The following PRKCQ variants were observed in gnomAD, a reference collection of about 807,000 sequenced individuals.
The protein encoded by PRKCQ is protein kinase C theta, also known as protein kinase C theta type.
In PRKCQ, 41 loss-of-function variants were observed where a neutral mutation model predicts 91.2. That is an observed-to-expected ratio of 0.45 (90% CI 0.35 to 0.58). The LOEUF is 0.58. PRKCQ is among the 20% of genes least tolerant of loss of function. The pLI is 0.00. For missense variants in PRKCQ, 673 were observed against 896.5 expected (o/e 0.75, Z 3.18); for synonymous variants, 307 against 316.9 (o/e 0.97, Z 0.33).
At chr10:6,513,213 G>A (rs1838573467) in intron 2 of PRKCQ, among the ~76,000 whole-genome samples, 1 of 152,158 alleles carries the variant, frequency 6.6e-6, no homozygotes, top group African/African-American at 2.4e-5. Context: ...GGAAAATGCA[G>A]CCTTACACCC....
At chr10:6,467,389 CAGAGAGAGAG>C (rs1160599680) in intron 12 of PRKCQ, among the ~76,000 whole-genome samples, 347 of 27,768 alleles carry the variant, frequency 0.012, 9 homozygotes, top group East Asian at 0.083. Context: ...GAGAGACAGA[CAGAGAGAGAG>C]AGAGAGAGAG....
At chr10:6,395,218 C>T in the PRKCQ span, among the ~76,000 whole-genome samples, 27,123 of 151,206 alleles carry the variant, frequency 0.18, 4,050 homozygotes, top group African/African-American at 0.41. Flanking sequence ...TGCCTGCCAC[C>T]GTGCCCGGCT....
At chr10:6,400,911 C>T in the PRKCQ span, among the ~76,000 whole-genome samples, 2 of 152,164 alleles carry the variant, frequency 1.3e-5, no homozygotes, top group African/African-American at 2.4e-5. Context: ...CTAAGAACAA[C>T]GACCATAGTT....
intron 14 of PRKCQ, among the ~76,000 whole-genome samples, chr10:6,461,675 T>C (rs1457420820): frequency 6.6e-6 from 1 of 152,198 alleles, no homozygotes; most frequent in Non-Finnish European, 1.5e-5. Flanking sequence ...CAATACTAAT[T>C]ATCTGCTCTC....
chr10:6,572,200 A>ATC (rs1262844740), intron 1 of PRKCQ, among the ~76,000 whole-genome samples: 1 of 152,136 alleles, frequency 6.6e-6, no homozygotes, highest in African/African-American at 2.4e-5. Context: ...AGAAAACTAA[A>ATC]TGCCATAGGT....
chr10:6,560,806 G>A (rs1202284826), intron 1 of PRKCQ, among the ~76,000 whole-genome samples: 4 of 152,090 alleles, frequency 2.6e-5, no homozygotes, highest in Non-Finnish European at 5.9e-5. Flanking sequence ...TTGGGAGGCC[G>A]AGGCGGGTGG....
At chr10:6,499,247 G>A (rs963955335) in intron 4 of PRKCQ, among the ~76,000 whole-genome samples, 13 of 152,172 alleles carry the variant, frequency 8.5e-5, no homozygotes, top group African/African-American at 3.1e-4. Context: ...GCATTACCTA[G>A]TCATCAGCAT....
At chr10:6,539,341 G>T (rs753787095) in intron 1 of PRKCQ, among the ~76,000 whole-genome samples, 5 of 152,096 alleles carry the variant, frequency 3.3e-5, no homozygotes, top group Non-Finnish European at 5.9e-5. Context: ...AGGAACTGGG[G>T]TGCACAGCAG....
At position 6,465,555 on chromosome 10, in the gene PRKCQ, A is replaced by G. The variant is rs1217611050; in HGVS notation, c.1354-1151T>C. On this transcript the variant is annotated intron_variant, in intron 12 of 17. Coordinates refer to ENST00000263125, the MANE Select transcript of PRKCQ (RefSeq NM_006257.5). This position sits in a 1 kb window ranked among gnomAD's most constrained non-coding sequence, Gnocchi z 4.4. ...ATGCATCACAGAATCAGTAATCCAT[A>G]AAGTGTGAGGACCTTCGGTGCGTCT... is the stretch of plus-strand genomic sequence containing the variant. 2.6e-5 allele frequency among the ~76,000 whole-genome samples: 4 copies of G among 152,236 alleles called. No individual in the cohort carries two copies. The highest frequency in any genetic ancestry group is 4.4e-5 in the Non-Finnish European group (3 of 68,048).
intron 17 of PRKCQ, among the ~76,000 whole-genome samples, chr10:6,429,728 T>C (rs1588640275): frequency 6.7e-6 from 1 of 150,318 alleles, no homozygotes; most frequent in Non-Finnish European, 1.5e-5. Context: ...CTTTTTTTTG[T>C]TGTTTTTCTA....
At chr10:6,418,985 A>G in the PRKCQ span, among the ~76,000 whole-genome samples, 2 of 113,242 alleles carry the variant, frequency 1.8e-5, no homozygotes, top group African/African-American at 2.8e-5. Flanking sequence ...CTATCTATCT[A>G]TCTATCTATC....
intron 16 of PRKCQ, among the ~76,000 whole-genome samples, chr10:6,437,289 T>G (rs1173512140): frequency 6.6e-6 from 1 of 152,184 alleles, no homozygotes; most frequent in Admixed American, 6.5e-5. Context: ...CTTGATCCAA[T>G]AGGGCTAGAA....
intron 1 of PRKCQ, among the ~76,000 whole-genome samples, chr10:6,560,441 A>G (rs1162135190): frequency 4.6e-5 from 7 of 152,134 alleles, no homozygotes; most frequent in South Asian, 2.1e-4. Flanking sequence ...CCATGACTGA[A>G]TCTAAAAACC....
the PRKCQ span, among the ~76,000 whole-genome samples, chr10:6,404,673 TTTCCTTTCTTCC>T: frequency 2.0e-5 from 3 of 148,000 alleles, no homozygotes; most frequent in African/African-American, 7.5e-5. Context: ...TCTTTCTCTC[TTTCCTTTCTTCC>T]TTCCTTTCTT....
At chr10:6,403,834 G>A in the PRKCQ span, among the ~76,000 whole-genome samples, 1 of 149,416 alleles carries the variant, frequency 6.7e-6, no homozygotes, top group African/African-American at 2.5e-5. Flanking sequence ...ATAAATGAAT[G>A]AAAAAAAAAA....
At chr10:6,509,931 G>A (rs568171561) in intron 3 of PRKCQ, among the ~76,000 whole-genome samples, 1 of 152,286 alleles carries the variant, frequency 6.6e-6, no homozygotes, top group South Asian at 2.1e-4. Context: ...CAAAAACCTA[G>A]TTTTTAGGCT....
At chr10:6,454,640 G>A (rs1834909954) in intron 15 of PRKCQ, among the ~76,000 whole-genome samples, 2 of 152,006 alleles carry the variant, frequency 1.3e-5, no homozygotes, top group Non-Finnish European at 2.9e-5. Context: ...GTGAAGTAGG[G>A]AGCAAGTTCA....
chr10:6,463,004 CAAAAAAAA>C (rs57879218), intron 13 of PRKCQ, among the ~76,000 whole-genome samples: 3 of 127,124 alleles, frequency 2.4e-5, no homozygotes, highest in East Asian at 4.5e-4. Flanking sequence ...GACTCTGACT[CAAAAAAAA>C]AAAAAAAAGT....
At chr10:6,477,076 G>C (rs1836306072) in intron 12 of PRKCQ, among the ~76,000 whole-genome samples, 2 of 152,168 alleles carry the variant, frequency 1.3e-5, no homozygotes, top group Non-Finnish European at 2.9e-5. Context: ...CTCCTAAATA[G>C]TTGACCAGGA....
Sources: allele counts gnomAD v4.1 joint callset (sites outside exome capture counted in the v4.1 genomes callset), GRCh38; gene constraint gnomAD v4.1.1; non-coding constraint Gnocchi (gnomAD v3.1); transcripts MANE v1.5; gene names NCBI Gene and HGNC (gene_info 2026-07-23, HGNC 2026-07-21).